MACROD2: variants seen among roughly 807,000 people sequenced by gnomAD.
MACROD2 encodes mono-ADP ribosylhydrolase 2.
A neutral mutation model predicts 70.4 loss-of-function variants in MACROD2; 36 were observed. The ratio of observed to expected loss-of-function variants is 0.51; its 90% CI spans 0.39 to 0.68. The LOEUF is 0.68. Ranked by LOEUF, MACROD2 falls within the 30% of genes least tolerant of loss-of-function variation. The pLI, the probability that MACROD2 is intolerant of heterozygous loss-of-function variation, is 0.00. For synonymous variants in MACROD2, 172 were observed against 178.8 expected, an observed-to-expected ratio of 0.96 and a Z score of 0.30; for missense variants, 496 against 538.4, an observed-to-expected ratio of 0.92 and a Z score of 0.78.
At chr20:14,710,424 C>G (rs998736233) in intron 5 of MACROD2, among the ~76,000 whole-genome samples, 2 of 152,140 alleles carry the variant, frequency 1.3e-5, no homozygotes, top group Non-Finnish European at 2.9e-5. Context: ...AAATCAAATT[C>G]ATAGTAAGGG....
chr20:15,995,873 G>A (rs986089888), intron 15 of MACROD2, among the ~76,000 whole-genome samples: 1 of 151,368 alleles, frequency 6.6e-6, no homozygotes, highest in African/African-American at 2.4e-5. Flanking sequence ...GTGTGTGTGT[G>A]TGTGTATGTG....
intron 4 of MACROD2, among the ~76,000 whole-genome samples, chr20:14,663,581 G>C (rs1986343383): frequency 2.0e-5 from 3 of 149,208 alleles, no homozygotes; most frequent in African/African-American, 7.4e-5. Context: ...TATATAAAAT[G>C]ATGTGCATAT....
At chr20:14,992,520 GC>G (rs1173395778) in intron 5 of MACROD2, among the ~76,000 whole-genome samples, 3 of 152,118 alleles carry the variant, frequency 2.0e-5, no homozygotes, top group Non-Finnish European at 4.4e-5. Context: ...GACATTAGGG[GC>G]TGACTAGCTG....
chr20:15,336,410 T>A (rs185366055), intron 6 of MACROD2, among the ~76,000 whole-genome samples: 7 of 151,102 alleles, frequency 4.6e-5, no homozygotes, highest in Non-Finnish European at 8.8e-5. Flanking sequence ...GTGGAATTGA[T>A]CTTTTGTTTA....
At chr20:15,180,089 A>G (rs954102237) in intron 5 of MACROD2, among the ~76,000 whole-genome samples, 1 of 152,152 alleles carries the variant, frequency 6.6e-6, no homozygotes, top group African/African-American at 2.4e-5. Context: ...TAAAGACACC[A>G]GTCAGATTGC....
intron 3 of MACROD2, among the ~76,000 whole-genome samples, chr20:14,300,789 A>G (rs979599665): frequency 6.6e-6 from 1 of 152,214 alleles, no homozygotes; most frequent in Non-Finnish European, 1.5e-5. Flanking sequence ...CAGCCATTGA[A>G]TAAAAGACCT....
chr20:15,747,425 G>C (rs1000294564), intron 8 of MACROD2, among the ~76,000 whole-genome samples: 12 of 152,150 alleles, frequency 7.9e-5, no homozygotes, highest in Admixed American at 5.2e-4. Flanking sequence ...ATCACACATA[G>C]GTTTTCAGGC....
intron 8 of MACROD2, among the ~76,000 whole-genome samples, chr20:15,772,824 C>T (rs962950207): frequency 6.6e-6 from 1 of 151,960 alleles, no homozygotes; most frequent in Non-Finnish European, 1.5e-5. Context: ...TACCTGTTTC[C>T]CAAAAATCTA....
intron 5 of MACROD2, among the ~76,000 whole-genome samples, chr20:14,902,518 CG>C (rs1354001796): frequency 6.6e-6 from 1 of 152,146 alleles, no homozygotes; most frequent in Non-Finnish European, 1.5e-5. Context: ...CCATACCACA[CG>C]AGTGAAAAAG....
chr20:14,230,208 G>A (rs1044102125), intron 3 of MACROD2, among the ~76,000 whole-genome samples: 2 of 152,058 alleles, frequency 1.3e-5, no homozygotes, highest in Non-Finnish European at 2.9e-5. Flanking sequence ...GTTTGGTGTG[G>A]TTAACTTATC....
chr20:14,482,064 C>T (rs1200904687), intron 3 of MACROD2, among the ~76,000 whole-genome samples: 2 of 152,144 alleles, frequency 1.3e-5, no homozygotes, highest in Non-Finnish European at 2.9e-5. Context: ...TACAAGAGCT[C>T]ATTTTATGAT....
At chr20:15,979,115 T>C (rs2066356421) in intron 13 of MACROD2, among the ~76,000 whole-genome samples, 1 of 152,152 alleles carries the variant, frequency 6.6e-6, no homozygotes, top group African/African-American at 2.4e-5. Context: ...AAAATAATTG[T>C]ATCAGAGAGG....
intron 5 of MACROD2, chr20:14,758,130 A>C: frequency 8.8e-6 from 3 of 342,414 alleles, no homozygotes; most frequent in Non-Finnish European, 1.6e-5. Context: ...AAAAAATCTA[A>C]ACCCTCACTG....
chr20:15,683,741 G>A (rs1414178725), intron 8 of MACROD2, among the ~76,000 whole-genome samples: 1 of 152,026 alleles, frequency 6.6e-6, no homozygotes, highest in Non-Finnish European at 1.5e-5. Context: ...ACCACGCCCA[G>A]CTAATTTTTG....
chr20:15,226,469 T>C (rs1356045611), intron 5 of MACROD2, among the ~76,000 whole-genome samples: 2 of 152,176 alleles, frequency 1.3e-5, no homozygotes, highest in African/African-American at 4.8e-5. Context: ...TAAAGCATTG[T>C]CCATAGACTT....
chr20:14,433,201 T>A (rs1600231933), intron 3 of MACROD2, among the ~76,000 whole-genome samples: 1 of 151,956 alleles, frequency 6.6e-6, no homozygotes, highest in East Asian at 1.9e-4. Context: ...AGGAAGGAGA[T>A]GAAATAAGCA....
intron 3 of MACROD2, among the ~76,000 whole-genome samples, chr20:14,290,222 G>A (rs1281619950): frequency 6.6e-6 from 1 of 152,172 alleles, no homozygotes; most frequent in African/African-American, 2.4e-5. Context: ...CCTGTGACGT[G>A]CAGTTTACCT....
intron 3 of MACROD2, among the ~76,000 whole-genome samples, chr20:14,262,001 A>C (rs2082105307): frequency 6.6e-6 from 1 of 152,230 alleles, no homozygotes; most frequent in African/African-American, 2.4e-5. Flanking sequence ...AGCAAAGCTA[A>C]AAGCTGGAGA....
chr20:14,377,229 C>T (rs2041877043), intron 3 of MACROD2, among the ~76,000 whole-genome samples: 1 of 152,182 alleles, frequency 6.6e-6, no homozygotes, highest in South Asian at 2.1e-4. Context: ...GTAGCTTGTA[C>T]TCTTATTGCT....
Sources: gnomAD v4.1 joint callset for allele counts (sites outside exome capture counted in the v4.1 genomes callset) on GRCh38, gnomAD v4.1.1 for gene constraint, MANE v1.5 for transcripts, NCBI Gene and HGNC (gene_info 2026-07-23, HGNC 2026-07-21) for gene names.